Variants in SVIL observed in about 807,000 individuals in gnomAD.
SVIL encodes the protein archvillin.
A neutral mutation model predicts 240.4 loss-of-function variants in SVIL; 101 were observed. The ratio of observed to expected loss-of-function variants is 0.42; its 90% CI spans 0.36 to 0.50. SVIL has a LOEUF of 0.50. SVIL is among the 20% of genes least tolerant of loss of function. The probability of loss-of-function intolerance (pLI) is 0.01; values close to 1 mark genes in which losing one functional copy is unlikely to be tolerated. For synonymous variants in SVIL, 999 were observed against 1,100.0 expected, an observed-to-expected ratio of 0.91 and a Z score of 1.82; for missense variants, 2,512 against 2,818.7, an observed-to-expected ratio of 0.89 and a Z score of 2.46.
intron 2 of SVIL, among the ~76,000 whole-genome samples, chr10:29,683,873 C>T (rs1960856027): frequency 6.6e-6 from 1 of 152,106 alleles, no homozygotes; most frequent in Non-Finnish European, 1.5e-5. Context: ...CAAAATCATC[C>T]TCACTCTGAA....
At chr10:29,494,882 G>A (rs1006556053) in intron 20 of SVIL, 32 bp downstream of exon 20, 3 of 1,601,784 alleles carry the variant, frequency 1.9e-6, no homozygotes, top group Non-Finnish European at 2.6e-6. Context: ...TAGAGATTCT[G>A]AGAGCAAAGC....
chr10:29,480,929 C>T (rs1946761918), intron 28 of SVIL, 116 bp from the exon 29 acceptor site: 1 of 1,261,130 alleles, frequency 7.9e-7, no homozygotes, highest in Non-Finnish European at 1.1e-6. Flanking sequence ...CTTCCACACT[C>T]TGTCTCAGGA....
At chr10:29,672,128 T>G (rs1959827032) in intron 2 of SVIL, among the ~76,000 whole-genome samples, 1 of 152,230 alleles carries the variant, frequency 6.6e-6, no homozygotes, top group Non-Finnish European at 1.5e-5. Flanking sequence ...GTCAGCAAAC[T>G]GTAACCTGTG....
intron 2 of SVIL, among the ~76,000 whole-genome samples, chr10:29,674,004 A>G (rs771127097): frequency 1.3e-5 from 2 of 152,158 alleles, no homozygotes; most frequent in Non-Finnish European, 2.9e-5. Flanking sequence ...AAGAGCCTCA[A>G]TTTAACATTT....
intron 1 of SVIL, among the ~76,000 whole-genome samples, chr10:29,700,626 A>G (rs1435122134): frequency 6.6e-6 from 1 of 151,824 alleles, no homozygotes; most frequent in Non-Finnish European, 1.5e-5. Flanking sequence ...GCCCGCCACC[A>G]CACCCGACTA....
chr10:29,645,714 A>G (rs1958633584), intron 3 of SVIL, among the ~76,000 whole-genome samples: 1 of 152,250 alleles, frequency 6.6e-6, no homozygotes, highest in Non-Finnish European at 1.5e-5. Flanking sequence ...CTTCCCTCCC[A>G]TAGAGACTCA....
chr10:29,552,837 A>G (rs1232267693), intron 5 of SVIL, among the ~76,000 whole-genome samples: 1 of 152,120 alleles, frequency 6.6e-6, no homozygotes, highest in Non-Finnish European at 1.5e-5. Context: ...TTTTTTCATT[A>G]TGATTTTATT....
intron 1 of SVIL, among the ~76,000 whole-genome samples, chr10:29,596,348 C>G (rs185520031): frequency 6.6e-6 from 1 of 152,248 alleles, no homozygotes; most frequent in East Asian, 1.9e-4. Flanking sequence ...TGGCATGCAC[C>G]TACAGTCCCA....
At chr10:29,591,977 G>A (rs1190166606) in intron 1 of SVIL, among the ~76,000 whole-genome samples, 1 of 152,236 alleles carries the variant, frequency 6.6e-6, no homozygotes, top group East Asian at 1.9e-4. Flanking sequence ...TGGGCTGGGT[G>A]CTGTGGCTCA....
At position 29,462,280 on chromosome 10, in the gene SVIL, C is replaced by T. The variant is rs921760335; in HGVS notation, c.6399G>A (p.Glu2133=). Residue 2133 remains glutamate, a synonymous_variant, in exon 36 of 38, where the codon GAG becomes GAA. Coordinates refer to ENST00000355867, the MANE Select transcript of SVIL (RefSeq NM_021738.3). Reference sequence around the variant, plus strand: ...TAGGGCAGGAAAGCGTGCTCACCATCTCTGTGATCTCAGCGATGTCCTCTC... The same window carrying T: ...TAGGGCAGGAAAGCGTGCTCACCATTTCTGTGATCTCAGCGATGTCCTCTC... ...EHREDIAEIT[E]MDTEVSNQIT... The T allele has an allele frequency of 5.6e-6, 9 of 1,614,014 alleles. No homozygotes were observed. Among genetic ancestry groups the T allele is most frequent in the Middle Eastern group, 1.6e-4 (1 of 6,084 alleles).
intron 30 of SVIL, among the ~76,000 whole-genome samples, chr10:29,471,498 C>G (rs972575823): frequency 6.6e-6 from 1 of 152,150 alleles, no homozygotes; most frequent in Non-Finnish European, 1.5e-5. Context: ...GCCTCATTTT[C>G]TTTACTTAAT....
chr10:29,544,973 G>A (rs1397177838), intron 6 of SVIL: 2 of 533,880 alleles, frequency 3.7e-6, no homozygotes, highest in Non-Finnish European at 3.8e-6. Flanking sequence ...CCAGATGTCT[G>A]TTCTTTAGAA....
intron 1 of SVIL, among the ~76,000 whole-genome samples, chr10:29,692,333 C>T (rs186384524): frequency 6.6e-6 from 1 of 152,174 alleles, no homozygotes; most frequent in Non-Finnish European, 1.5e-5. Context: ...GGAGACAGAA[C>T]ATTCCACCCC....
chr10:29,687,190 A>G lies in SVIL; in HGVS notation c.-399-539T>C, dbSNP rs186663148. ...CAATCTAAGTCTAGCTCTTAAAACT[A>G]AAGTCTATTCGATTCCGCACTGATA... On this transcript the variant is annotated intron_variant, in intron 1 of 35. Coordinates refer to the SVIL transcript ENST00000375400. 4.4e-3 allele frequency among the ~76,000 whole-genome samples: 670 copies of G among 152,340 alleles called. 6 individuals carry two copies. The highest frequency in any genetic ancestry group is 0.015 in the African/African-American group (643 of 41,574).
chr10:29,681,958 A>T (rs902244509), intron 2 of SVIL, among the ~76,000 whole-genome samples: 2 of 152,094 alleles, frequency 1.3e-5, no homozygotes, highest in African/African-American at 4.8e-5. Flanking sequence ...TTCCGCTCAG[A>T]CCTGTCTTGA....
chr10:29,532,897 C>A lies in SVIL; in HGVS notation c.1470G>T (p.Gln490His). ...PAVSTVTLEH[Q>H]KELENVAQPP... ...GTTGTGCCACGTTTTCCAGTTCCTT[C>A]TGATGCTCTAAGGTGACTGTGCTCA... Residue 490 changes from glutamine to histidine, a missense_variant, in exon 8 of 38, where the codon CAG (glutamine) becomes CAT (histidine). Transcript: ENST00000355867. 1.2e-6 allele frequency: 2 copies of A among 1,614,140 alleles called. No individual in the cohort carries two copies. The highest frequency in any genetic ancestry group is 2.2e-5 in the East Asian group (1 of 44,872).
Position 29,470,257 on chromosome 10 carries a change from C to T in SVIL, c.5843+19G>A. 2 of 1,614,000 alleles carry T rather than the reference C, an allele frequency of 1.2e-6. No individual in the cohort carries two copies. Among genetic ancestry groups the T allele is most frequent in the East Asian group, 2.2e-5 (1 of 44,876 alleles). ...GAAGCCCGGTGTGTGGGGGGACTCG[C>T]CGCAGACACAACACTCACTGTTCCT... On this transcript the variant is annotated intron_variant, in intron 32 of 37. Transcript: ENST00000355867.
At chr10:29,695,745 A>G (rs1434178149) in intron 1 of SVIL, among the ~76,000 whole-genome samples, 1 of 151,990 alleles carries the variant, frequency 6.6e-6, no homozygotes, top group Non-Finnish European at 1.5e-5. Flanking sequence ...CTCCCTCTCA[A>G]AAAAATAAAT....
intron 1 of SVIL, among the ~76,000 whole-genome samples, chr10:29,599,468 T>G (rs532032682): frequency 2.0e-5 from 3 of 152,042 alleles, no homozygotes; most frequent in East Asian, 3.9e-4. Context: ...CAGGCTGGAG[T>G]GCAGAGGCAT....
Sources: gnomAD v4.1 joint callset for allele counts (sites outside exome capture counted in the v4.1 genomes callset) on GRCh38, gnomAD v4.1.1 for gene constraint, MANE v1.5 for transcripts, NCBI Gene and HGNC (gene_info 2026-07-23, HGNC 2026-07-21) for gene names.